Variants in LRBA observed in about 807,000 individuals in gnomAD.
The protein encoded by LRBA is LPS responsive beige-like anchor protein, also known as lipopolysaccharide-responsive and beige-like anchor protein.
Under a neutral mutation model 330.0 loss-of-function variants are expected in LRBA, and 176 were observed. The observed-to-expected ratio is 0.53, with a 90% CI of 0.47 to 0.60. The LOEUF is 0.60. Among genes scored for constraint, LRBA ranks in the 20% least tolerant of loss-of-function variants. LRBA has a pLI of 0.00. For missense variants in LRBA, 3,259 were observed against 3,444.8 expected, an observed-to-expected ratio of 0.95 and a Z score of 1.35; for synonymous variants, 1,230 against 1,193.0, an observed-to-expected ratio of 1.03 and a Z score of -0.64.
intron 36 of LRBA, among the ~76,000 whole-genome samples, chr4:150,689,112 C>G (rs903154259): frequency 6.6e-6 from 1 of 152,136 alleles, no homozygotes; most frequent in Non-Finnish European, 1.5e-5. Flanking sequence ...ATATACTCCA[C>G]GGAATACTGT....
intron 23 of LRBA, among the ~76,000 whole-genome samples, chr4:150,851,291 C>T (rs1161048760): frequency 7.9e-5 from 12 of 152,062 alleles, no homozygotes; most frequent in Admixed American, 7.9e-4. Context: ...ACAGAGATAA[C>T]ATAATGAAGA....
At chr4:150,822,569 C>A (rs1202384403) in intron 30 of LRBA, among the ~76,000 whole-genome samples, 1 of 152,074 alleles carries the variant, frequency 6.6e-6, no homozygotes, top group East Asian at 1.9e-4. Flanking sequence ...GAGTTCAGCA[C>A]CAGCCTGGGC....
rs1207479109 is a variant in LRBA, at chr4:150,559,639, TATATA to T, written c.6330+28404_6330+28408del. On this transcript the variant is annotated intron_variant, in intron 40 of 56. Coordinates refer to ENST00000651943, the MANE Select transcript of LRBA (RefSeq NM_001364905.1). ...ATTGTATTATTTTATAATATATATT[TATATA>T]ATATAATATATAATTATAATATATA... Among the ~76,000 whole-genome samples, 29 of 61,030 alleles carry T rather than the reference TATATA, an allele frequency of 4.8e-4. 1 individual carries two copies. Among genetic ancestry groups the T allele is most frequent in the South Asian group, 2.5e-3 (6 of 2,358 alleles). The allele number at this position is 61,030 out of a possible 152,430, so 40.0% of individuals were successfully genotyped here.
chr4:150,860,440 T>C (rs562289164), intron 22 of LRBA, among the ~76,000 whole-genome samples: 3 of 152,296 alleles, frequency 2.0e-5, no homozygotes, highest in Non-Finnish European at 4.4e-5. Context: ...GTGTGGTTCT[T>C]GGTCAAAAGT....
At chr4:150,350,403 C>T (rs974164194) in intron 47 of LRBA, among the ~76,000 whole-genome samples, 4 of 152,078 alleles carry the variant, frequency 2.6e-5, no homozygotes, top group African/African-American at 9.7e-5. Flanking sequence ...AACCCGGTCT[C>T]TACTAAAAAT....
At chr4:150,302,966 C>A (rs1560986575) in intron 52 of LRBA, among the ~76,000 whole-genome samples, 174 bp from the exon 53 acceptor site, 1 of 151,874 alleles carries the variant, frequency 6.6e-6, no homozygotes, top group African/African-American at 2.4e-5. Flanking sequence ...ACAAGAACAA[C>A]AAAAAAACAA....
chr4:150,667,019 G>C (rs981990621), intron 37 of LRBA, among the ~76,000 whole-genome samples: 1 of 152,106 alleles, frequency 6.6e-6, no homozygotes, highest in South Asian at 2.1e-4. Flanking sequence ...CAAAAACCAA[G>C]TGCTCTGCCA....
At chr4:150,861,030 T>C (rs1250547414) in intron 22 of LRBA, among the ~76,000 whole-genome samples, 1 of 152,182 alleles carries the variant, frequency 6.6e-6, no homozygotes, top group Non-Finnish European at 1.5e-5. Flanking sequence ...AGCTTATTAC[T>C]GTACAGAAGA....
At chr4:150,438,538 A>G (rs984270744) in intron 44 of LRBA, among the ~76,000 whole-genome samples, 1 of 152,122 alleles carries the variant, frequency 6.6e-6, no homozygotes, top group Admixed American at 6.6e-5. Flanking sequence ...AAGATACACA[A>G]CAGTCTTTTG....
chr4:150,467,117 G>C (rs1345355369), intron 44 of LRBA, among the ~76,000 whole-genome samples: 2 of 152,018 alleles, frequency 1.3e-5, no homozygotes, highest in East Asian at 1.9e-4. Flanking sequence ...AGCTCCCCCG[G>C]TCAAAGAAAG....
rs577045049 is a variant in LRBA at position 150,807,965 on chromosome 4, T to C, written c.5384+355A>G. Among the ~76,000 whole-genome samples, 9 of 152,308 alleles carry C rather than the reference T, an allele frequency of 5.9e-5. No individual in the cohort carries two copies. The East Asian group carries it at 1.5e-3, about 26-fold the overall frequency. On this transcript the variant is annotated intron_variant, in intron 32 of 56. Transcript: ENST00000651943. The stretch of plus-strand genomic sequence containing the variant: ...GCACCTGGCCTATATCAGTATTTTA[T>C]AGAGGAGAAACAACAAATTCCACAC...
chr4:150,508,083 T>TG (rs1370636940), intron 40 of LRBA, among the ~76,000 whole-genome samples: 1 of 46,556 alleles, frequency 2.1e-5, no homozygotes, highest in East Asian at 7.7e-4. Context: ...TGTTGTGGGG[T>TG]GGGGGGAGGG....
At chr4:150,497,171 T>C (rs1047884408) in intron 40 of LRBA, among the ~76,000 whole-genome samples, 2 of 152,158 alleles carry the variant, frequency 1.3e-5, no homozygotes, top group Non-Finnish European at 2.9e-5. Context: ...GTTATTAACA[T>C]AGTTTTTACA....
rs368173851 is a variant in LRBA at position 150,780,513 on chromosome 4, T to C, written c.5580+17568A>G. ...ATAGTATGCTTAATGACTTTCCTGGTGTACAGAAATAAGACCTTTCAATCC... is the reference window on the plus strand; with the variant it reads ...ATAGTATGCTTAATGACTTTCCTGGCGTACAGAAATAAGACCTTTCAATCC... On this transcript the variant is annotated intron_variant, in intron 34 of 56. Transcript: ENST00000651943. Among the ~76,000 whole-genome samples the C allele has an allele frequency of 4.0e-5, 6 of 151,626 alleles. No individual in the cohort carries two copies. The East Asian group carries it at 1.2e-3, about 29-fold the overall frequency.
chr4:150,788,074 CT>C (rs1265189424), intron 34 of LRBA, among the ~76,000 whole-genome samples: 1 of 151,710 alleles, frequency 6.6e-6, no homozygotes. Context: ...CTGATTAAAT[CT>C]TTTTGTTGTT....
intron 25 of LRBA, 150 bp downstream of exon 25, chr4:150,849,272 G>T: frequency 1.5e-6 from 1 of 684,758 alleles, no homozygotes; most frequent in Non-Finnish European, 2.5e-6. Context: ...TACTAGAACA[G>T]ATTCTAAGGT....
intron 2 of LRBA, among the ~76,000 whole-genome samples, chr4:150,945,237 T>TA (rs1319631675): frequency 6.6e-6 from 1 of 152,150 alleles, no homozygotes; most frequent in Non-Finnish European, 1.5e-5. Context: ...TCTATAAAAT[T>TA]ACGTATAGAA....
chr4:150,766,564 CAAGG>C (rs1399413313), intron 34 of LRBA, among the ~76,000 whole-genome samples: 2 of 152,136 alleles, frequency 1.3e-5, no homozygotes, highest in Non-Finnish European at 2.9e-5. Context: ...AAACAATTAT[CAAGG>C]AAGGTGTTAG....
At chr4:150,843,988 T>C in intron 28 of LRBA, 112 bp downstream of exon 28, 1 of 623,832 alleles carries the variant, frequency 1.6e-6, no homozygotes. Context: ...TAGACCTTTC[T>C]ATCTCTGCTC....
Sources: allele counts gnomAD v4.1 joint callset (sites outside exome capture counted in the v4.1 genomes callset), GRCh38; gene constraint gnomAD v4.1.1; transcripts MANE v1.5; gene names NCBI Gene and HGNC (gene_info 2026-07-23, HGNC 2026-07-21).